UBE2E2: variants seen among roughly 807,000 people sequenced by gnomAD.
The protein encoded by UBE2E2 is ubiquitin-conjugating enzyme E2 E2.
A neutral mutation model predicts 24.7 loss-of-function variants in UBE2E2; 6 were observed. The observed-to-expected ratio is 0.24, with a 90% CI of 0.13 to 0.48. The LOEUF (loss-of-function observed/expected upper bound fraction) is 0.48. UBE2E2 is among the 20% of genes least tolerant of loss of function. The probability of loss-of-function intolerance (pLI) is 0.99; values close to 1 mark genes in which losing one functional copy is unlikely to be tolerated. For synonymous variants in UBE2E2, 104 were observed against 83.6 expected (o/e 1.24, Z -1.33); for missense variants, 169 against 245.0 (o/e 0.69, Z 2.07).
In UBE2E2 at chr3:23,571,280, C is replaced by CTTTCTTTTTTTTTTTTTTTTTTTTTT. The variant is rs1696218039; in HGVS notation, c.509-18451_509-18450insCTTTTTTTTTTTTTTTTTTTTTTTTT. 9.0e-4 allele frequency among the ~76,000 whole-genome samples: 27 copies of CTTTCTTTTTTTTTTTTTTTTTTTTTT among 29,882 alleles called. 2 individuals carry two copies. The highest frequency in any genetic ancestry group is 2.4e-3 in the African/African-American group (23 of 9,720). The allele number at this position is 29,882 out of a possible 152,430, so 19.6% of individuals were successfully genotyped here. On this transcript the variant is annotated intron_variant, in intron 5 of 5. Coordinates refer to ENST00000396703, the MANE Select transcript of UBE2E2 (RefSeq NM_152653.4). ...AGTCCCCTCACCTGTGTGCTCCTTTCTTTTTTTTTTTTTTTTTTTTTTTTT... is the reference window on the plus strand; with the variant it reads ...AGTCCCCTCACCTGTGTGCTCCTTTCTTTCTTTTTTTTTTTTTTTTTTTTTTTTTTTTTTTTTTTTTTTTTTTTTTT...
At chr3:23,475,378 A>AG (rs534810392) in intron 3 of UBE2E2, among the ~76,000 whole-genome samples, 150 of 152,084 alleles carry the variant, frequency 9.9e-4, no homozygotes, top group Non-Finnish European at 1.8e-3. Context: ...AAGTCCTCCA[A>AG]ACTCAATATG....
At chr3:23,468,820 A>G (rs999695345) in intron 3 of UBE2E2, among the ~76,000 whole-genome samples, 1 of 152,234 alleles carries the variant, frequency 6.6e-6, no homozygotes, top group Non-Finnish European at 1.5e-5. Flanking sequence ...TCATCTCTAA[A>G]TTTAGCGTGA....
At chr3:23,382,056 A>G (rs1696682838) in intron 3 of UBE2E2, among the ~76,000 whole-genome samples, 1 of 152,168 alleles carries the variant, frequency 6.6e-6, no homozygotes, top group Admixed American at 6.5e-5. Context: ...AGTTGTTTCA[A>G]TTTGAGAAGT....
intron 3 of UBE2E2, among the ~76,000 whole-genome samples, chr3:23,297,449 C>T (rs530330242): frequency 4.3e-4 from 66 of 152,136 alleles, no homozygotes; most frequent in Non-Finnish European, 7.6e-4. Context: ...TTAGGTCTAA[C>T]GTTTAAGTCT....
chr3:23,532,790 C>CT (rs1575689805), intron 5 of UBE2E2, 89 bp downstream of exon 5: 1 of 1,162,926 alleles, frequency 8.6e-7, no homozygotes, highest in East Asian at 2.5e-5. Context: ...GCTACTACCA[C>CT]TACCACCACT....
At chr3:23,224,495 G>A (rs1275502272) in intron 3 of UBE2E2, among the ~76,000 whole-genome samples, 2 of 148,908 alleles carry the variant, frequency 1.3e-5, no homozygotes, top group Non-Finnish European at 3.0e-5. Context: ...TGATTTTTGT[G>A]TGTTGATTTT....
In UBE2E2 at chr3:23,532,639, C is replaced by A. The variant is rs1274790362; in HGVS notation, c.446C>A (p.Pro149Gln). 6.4e-7 allele frequency: 1 copy of A among 1,574,794 alleles called. No individual in the cohort carries two copies. Among genetic ancestry groups the A allele is most frequent in the Admixed American group, 1.7e-5 (1 of 59,794 alleles). Residue 149 changes from proline (P) to glutamine (Q), a missense_variant, in exon 5 of 6, where the codon CCG (proline) becomes CAG (glutamine). Physicochemically the swap from Pro to Gln is moderately conservative, Grantham distance 76. Coordinates refer to ENST00000396703, the MANE Select transcript of UBE2E2 (RefSeq NM_152653.4). ...GACATCTTAAAGGACAACTGGAGTC[C>A]GGCTTTAACTATTTCTAAAGTTCTC... is the stretch of plus-strand genomic sequence containing the variant. ...CLDILKDNWS[P>Q]ALTISKVLLS...
At chr3:23,454,889 A>AT (rs974996810) in intron 3 of UBE2E2, among the ~76,000 whole-genome samples, 9 of 151,990 alleles carry the variant, frequency 5.9e-5, no homozygotes, top group East Asian at 3.9e-4. Context: ...AATGTTAGGA[A>AT]TTTTTTTTGT....
At chr3:23,495,791 C>T (rs973537475) in intron 3 of UBE2E2, among the ~76,000 whole-genome samples, 3 of 152,180 alleles carry the variant, frequency 2.0e-5, no homozygotes, top group African/African-American at 7.2e-5. Flanking sequence ...TTGCCAGCCT[C>T]AGGAAAAGGA....
At chr3:23,573,458 A>C (rs1415123283) in intron 5 of UBE2E2, among the ~76,000 whole-genome samples, 1 of 152,208 alleles carries the variant, frequency 6.6e-6, no homozygotes, top group Admixed American at 6.5e-5. Context: ...TTTTCCACAC[A>C]TAATAGATGA....
At chr3:23,436,504 T>A (rs1379555932) in intron 3 of UBE2E2, among the ~76,000 whole-genome samples, 1 of 152,142 alleles carries the variant, frequency 6.6e-6, no homozygotes, top group Non-Finnish European at 1.5e-5. Flanking sequence ...ATTTGAAGAT[T>A]TGTTTTCCTT....
At chr3:23,289,122 C>G (rs1012596579) in intron 3 of UBE2E2, among the ~76,000 whole-genome samples, 9 of 152,158 alleles carry the variant, frequency 5.9e-5, no homozygotes, top group Non-Finnish European at 1.2e-4. Flanking sequence ...GTGGAGGCTT[C>G]TATTTGGCCA....
chr3:23,318,146 A>G (rs912039261), intron 3 of UBE2E2, among the ~76,000 whole-genome samples: 3 of 151,954 alleles, frequency 2.0e-5, no homozygotes, highest in South Asian at 2.1e-4. Context: ...TTTATTTATG[A>G]CAGGGTTTTA....
intron 3 of UBE2E2, among the ~76,000 whole-genome samples, chr3:23,459,248 T>A (rs753106700): frequency 6.6e-6 from 1 of 152,206 alleles, no homozygotes; most frequent in Non-Finnish European, 1.5e-5. Flanking sequence ...TTTTTGGAAT[T>A]TTTTTATGGT....
chr3:23,492,896 A>T (rs1013184586), intron 3 of UBE2E2, among the ~76,000 whole-genome samples: 1 of 152,112 alleles, frequency 6.6e-6, no homozygotes, highest in Admixed American at 6.5e-5. Flanking sequence ...AAATAGGTGA[A>T]TTTTATTTTA....
intron 3 of UBE2E2, among the ~76,000 whole-genome samples, chr3:23,350,108 T>C (rs1240762911): frequency 1.3e-5 from 2 of 152,362 alleles, no homozygotes; most frequent in Non-Finnish European, 2.9e-5. Context: ...CCACCACTGC[T>C]GATACCCAGG....
intron 3 of UBE2E2, among the ~76,000 whole-genome samples, chr3:23,411,484 G>C (rs1021601468): frequency 8.5e-5 from 13 of 152,092 alleles, no homozygotes; most frequent in Admixed American, 5.9e-4. Context: ...GAGATCTCAG[G>C]ATAATTCGAG....
intron 2 of UBE2E2, among the ~76,000 whole-genome samples, chr3:23,210,127 G>A (rs1311720005): frequency 6.6e-6 from 1 of 152,134 alleles, no homozygotes; most frequent in African/African-American, 2.4e-5. Context: ...GGATGAGAAA[G>A]GTGGGGAATA....
chr3:23,532,800 T>A (rs1418970462), intron 5 of UBE2E2, 99 bp downstream of exon 5: 1 of 1,082,502 alleles, frequency 9.2e-7, no homozygotes, highest in Non-Finnish European at 1.3e-6. Context: ...CTACCACCAC[T>A]GCTTCTACTA....
Sources: gnomAD v4.1 joint callset for allele counts (sites outside exome capture counted in the v4.1 genomes callset) on GRCh38, gnomAD v4.1.1 for gene constraint, MANE v1.5 for transcripts, NCBI Gene and HGNC (gene_info 2026-07-23, HGNC 2026-07-21) for gene names.